The following TMEM154 variants were observed in gnomAD, a reference collection of about 807,000 sequenced individuals.
The protein encoded by TMEM154 is transmembrane protein 154.
TMEM154 carries 27 observed loss-of-function variants against 24.5 expected under a neutral mutation model. The observed-to-expected ratio is 1.10, with a 90% CI of 0.81 to 1.52. The LOEUF is 1.52. Ranked by LOEUF, TMEM154 falls within the 40% of genes most tolerant of loss-of-function variation. The probability of loss-of-function intolerance (pLI) is 0.00; values close to 1 mark genes in which losing one functional copy is unlikely to be tolerated. For missense variants in TMEM154, 228 were observed against 213.4 expected, an observed-to-expected ratio of 1.07 and a Z score of -0.43; for synonymous variants, 67 against 76.8, an observed-to-expected ratio of 0.87 and a Z score of 0.67.
rs1052327582 is a variant in TMEM154 at position 152,620,459 on chromosome 4, T to C, written c.*8087A>G. On this transcript the variant is annotated 3_prime_UTR_variant, in exon 7 of 7. Transcript: ENST00000304385. The stretch of plus-strand genomic sequence containing the variant: ...AGCCTGCAGCCTCTGTTACTTCTTA[T>C]CTCAGGCTATGCTCACCTTAAGGCA... 1.3e-5 allele frequency: 2 copies of C among 152,340 alleles called. No individual in the cohort carries two copies. The highest frequency in any genetic ancestry group is 1.9e-4 in the East Asian group (1 of 5,174). 9.4% of individuals were successfully genotyped at this position (152,340 alleles called of 1,614,324 possible).
chr4:152,631,257 T>A (rs1397971931), intron 6 of TMEM154, among the ~76,000 whole-genome samples: 2 of 152,238 alleles, frequency 1.3e-5, no homozygotes. Flanking sequence ...CTCTCCAACA[T>A]TGAATATTAT....
At chr4:152,663,621 C>T (rs373390182) in intron 1 of TMEM154, among the ~76,000 whole-genome samples, 4 of 152,168 alleles carry the variant, frequency 2.6e-5, no homozygotes, top group East Asian at 1.9e-4. Context: ...CTCAAGTGAC[C>T]GCAACACAAA....
At chr4:152,667,720 C>T (rs1728747928) in intron 1 of TMEM154, among the ~76,000 whole-genome samples, 2 of 152,226 alleles carry the variant, frequency 1.3e-5, no homozygotes, top group Admixed American at 1.3e-4. Context: ...TATTTGAGAT[C>T]ATCAAGCAAT....
In TMEM154 at chr4:152,628,598, A is replaced by ACAC. The variant is rs771268979; in HGVS notation, c.537-38_537-37insGTG. The ACAC allele has an allele frequency of 4.5e-4, 531 of 1,168,436 alleles. 24 individuals are homozygous for ACAC. The African/African-American group carries it at 7.9e-3, about 17-fold the overall frequency. 72.4% of individuals were successfully genotyped at this position (1,168,436 alleles called of 1,614,324 possible). On this transcript the variant is annotated intron_variant, in intron 6 of 6. Coordinates refer to ENST00000304385, the MANE Select transcript of TMEM154 (RefSeq NM_152680.3). ...AAAAAAAAAAAAAAAAAAAACAAAA[A>ACAC]AAACACACACACACACACAAAACAG...
chr4:152,635,624 A>G (rs1316479661), intron 6 of TMEM154, among the ~76,000 whole-genome samples: 1 of 152,222 alleles, frequency 6.6e-6, no homozygotes, highest in Non-Finnish European at 1.5e-5. Flanking sequence ...TCTCTATTAA[A>G]CTAACCTAAA....
chr4:152,651,439 T>G (rs1728381437), intron 3 of TMEM154, among the ~76,000 whole-genome samples: 1 of 152,230 alleles, frequency 6.6e-6, no homozygotes, highest in Admixed American at 6.5e-5. Flanking sequence ...AGCTCCTACA[T>G]CAGTCCTTGC....
rs1039074947 is a variant in TMEM154, at chr4:152,628,306, C to T, written c.*240G>A. On this transcript the variant is annotated 3_prime_UTR_variant, in exon 7 of 7. Transcript: ENST00000304385. ...CACATCACCCGCCTCCTTCTCCACC[C>T]TCAGAGGCAGCGATGGATGGCAGCC... is the stretch of plus-strand genomic sequence containing the variant. 1 of 658,712 alleles carries T rather than the reference C, an allele frequency of 1.5e-6. No individual in the cohort carries two copies. Among genetic ancestry groups the T allele is most frequent in the Non-Finnish European group, 2.6e-6 (1 of 389,240 alleles). The allele number at this position is 658,712 out of a possible 1,614,324, so 40.8% of individuals were successfully genotyped here.
chr4:152,647,154 C>T (rs1399496538), intron 3 of TMEM154: 2 of 979,910 alleles, frequency 2.0e-6, no homozygotes, highest in East Asian at 2.3e-4. Context: ...AGACTTATTT[C>T]CTAGTATAGT....
intron 6 of TMEM154, among the ~76,000 whole-genome samples, chr4:152,634,992 C>A (rs1752120426): frequency 6.6e-6 from 1 of 152,104 alleles, no homozygotes; most frequent in South Asian, 2.1e-4. Context: ...CTGGACCTAA[C>A]CCCACTGTAA....
chr4:152,633,722 T>C (rs1177842807), intron 6 of TMEM154, among the ~76,000 whole-genome samples: 4 of 152,042 alleles, frequency 2.6e-5, no homozygotes, highest in Admixed American at 6.6e-5. Flanking sequence ...CCTAGCAACT[T>C]GGGAGGCCAG....
chr4:152,631,673 C>T (rs999160516), intron 6 of TMEM154, among the ~76,000 whole-genome samples: 1 of 152,092 alleles, frequency 6.6e-6, no homozygotes, highest in Non-Finnish European at 1.5e-5. Flanking sequence ...TCAAGCAATC[C>T]ACACACCTCA....
chr4:152,657,100 G>C (rs1018600346), intron 1 of TMEM154, among the ~76,000 whole-genome samples: 2 of 149,252 alleles, frequency 1.3e-5, no homozygotes, highest in Non-Finnish European at 3.0e-5. Flanking sequence ...TTTGAAGACA[G>C]GTCTTTTGAA....
At chr4:152,629,377 A>G (rs1199427816) in intron 6 of TMEM154, among the ~76,000 whole-genome samples, 1 of 152,226 alleles carries the variant, frequency 6.6e-6, no homozygotes, top group Non-Finnish European at 1.5e-5. Context: ...GAATTCAAAC[A>G]TCGGGCATCC....
chr4:152,621,543 A>T lies in TMEM154; in HGVS notation c.*7003T>A, dbSNP rs1751844004. 1 of 152,192 alleles carries T rather than the reference A, an allele frequency of 6.6e-6. No homozygotes were observed. The allele number at this position is 152,192 out of a possible 1,614,324, so 9.4% of individuals were successfully genotyped here. ...TGCATCAGTTTCTAGGGGTAGATTG[A>T]TGCCATAATGGACCAGGTTTAACTT... On this transcript the variant is annotated 3_prime_UTR_variant, in exon 7 of 7. Transcript: ENST00000304385.
intron 3 of TMEM154, among the ~76,000 whole-genome samples, chr4:152,648,042 G>C (rs1728299570): frequency 6.6e-6 from 1 of 152,138 alleles, no homozygotes; most frequent in African/African-American, 2.4e-5. Flanking sequence ...GAAGAAAAAA[G>C]AGAAGGAAGG....
chr4:152,674,044 T>C (rs1728904608), intron 1 of TMEM154, among the ~76,000 whole-genome samples: 1 of 151,974 alleles, frequency 6.6e-6, no homozygotes, highest in Non-Finnish European at 1.5e-5. Context: ...ATTCTCCCAA[T>C]GTGCAACACC....
In TMEM154 at chr4:152,658,253, A is replaced by G. The variant is rs750712101; in HGVS notation, c.65-5326T>C. Among the ~76,000 whole-genome samples the G allele has an allele frequency of 6.3e-4, 96 of 152,200 alleles. 1 individual carries two copies. The highest frequency in any genetic ancestry group is 1.9e-4 in the Non-Finnish European group (13 of 68,036). On this transcript the variant is annotated intron_variant, in intron 1 of 6. Transcript: ENST00000304385. ...AGGCTTGAAACAAATAAAAATGGAAACACACCATGCTAAAACCTATGGGAT... is the reference window on the plus strand; with the variant it reads ...AGGCTTGAAACAAATAAAAATGGAAGCACACCATGCTAAAACCTATGGGAT...
intron 1 of TMEM154, among the ~76,000 whole-genome samples, chr4:152,656,981 T>C (rs753186537): frequency 6.6e-6 from 1 of 150,430 alleles, no homozygotes; most frequent in Non-Finnish European, 1.5e-5. Context: ...ATAGAGATAA[T>C]AAAAAAGAAC....
intron 1 of TMEM154, among the ~76,000 whole-genome samples, chr4:152,661,325 TCTCTCTCTCTCTC>T (rs1728604455): frequency 1.9e-4 from 26 of 139,444 alleles, no homozygotes; most frequent in Admixed American, 9.9e-4. Flanking sequence ...TCTCTCTCTC[TCTCTCTCTCTCTC>T]TCTCCCCCCA....
Sources: allele counts gnomAD v4.1 joint callset (sites outside exome capture counted in the v4.1 genomes callset), GRCh38; gene constraint gnomAD v4.1.1; transcripts MANE v1.5; gene names NCBI Gene and HGNC (gene_info 2026-07-23, HGNC 2026-07-21).